ELFN2: variants seen among roughly 807,000 people sequenced by gnomAD.
ELFN2 encodes the protein protein phosphatase 1 regulatory subunit 29.
In ELFN2, 17 loss-of-function variants were observed where a neutral mutation model predicts 45.5. That is an observed-to-expected ratio of 0.37 (90% CI 0.26 to 0.56). The LOEUF (loss-of-function observed/expected upper bound fraction) is 0.56, where lower values mean the gene tolerates loss of function less well. Ranked by LOEUF, ELFN2 falls within the 20% of genes least tolerant of loss-of-function variation. The probability of loss-of-function intolerance (pLI) is 0.77; values close to 1 mark genes in which losing one functional copy is unlikely to be tolerated. For synonymous variants in ELFN2, 550 were observed against 551.5 expected, an observed-to-expected ratio of 1.00 and a Z score of 0.04; for missense variants, 922 against 1,183.2, an observed-to-expected ratio of 0.78 and a Z score of 3.24.
rs111256677 is a variant in ELFN2, at chr22:37,407,434, C to T, written c.-463+10335G>A. Among the ~76,000 whole-genome samples the T allele has an allele frequency of 6.4e-3, 979 of 152,244 alleles. 7 individuals are homozygous for T. Among genetic ancestry groups the T allele is most frequent in the Middle Eastern group, 0.031 (9 of 294 alleles). On this transcript the variant is annotated intron_variant, in intron 2 of 2. Transcript: ENST00000402918. The stretch of plus-strand genomic sequence containing the variant: ...AAGACAGACAAGGTCCCCAGCCTCA[C>T]AGTGCTTTCACTGTGATGGGGGAGC...
intron 2 of ELFN2, among the ~76,000 whole-genome samples, chr22:37,386,992 G>C (rs1234930185): frequency 6.6e-6 from 1 of 152,250 alleles, no homozygotes; most frequent in East Asian, 1.9e-4. Flanking sequence ...CAGGGTCTGG[G>C]CAGGGTCACA....
At chr22:37,360,218 G>A (rs1423023923) in intron 1 of ELFN2, among the ~76,000 whole-genome samples, 1 of 152,146 alleles carries the variant, frequency 6.6e-6, no homozygotes, top group Admixed American at 6.5e-5. Flanking sequence ...GTCTGGCCTG[G>A]GGTGTCTCAT....
chr22:37,398,967 A>G (rs1932288958), intron 2 of ELFN2, among the ~76,000 whole-genome samples: 1 of 151,872 alleles, frequency 6.6e-6, no homozygotes, highest in Admixed American at 6.6e-5. Context: ...GGAACACAGC[A>G]TCCACCTGGC....
At chr22:37,414,331 G>T (rs1932727044) in intron 2 of ELFN2, among the ~76,000 whole-genome samples, 1 of 152,170 alleles carries the variant, frequency 6.6e-6, no homozygotes, top group Admixed American at 6.5e-5. Context: ...TCCCTGAGGA[G>T]GTGACAGTTA....
chr22:37,400,802 G>T (rs1932342253), intron 2 of ELFN2, among the ~76,000 whole-genome samples: 1 of 152,270 alleles, frequency 6.6e-6, no homozygotes, highest in Non-Finnish European at 1.5e-5. Flanking sequence ...CCTTCTTGTA[G>T]AGGGATCTAA....
chr22:37,343,215 T>G lies in ELFN2; in HGVS notation n.149-512A>C, dbSNP rs11913716. ...CCTGAACCTCAGCCCAGCTCCTTCC[T>G]CTGGCCAAGGAATCCCATAAGTGAG... On this transcript the variant is annotated intron_variant and non_coding_transcript_variant, in intron 1 of 2. Coordinates refer to ENST00000452946, the Ensembl canonical transcript of ELFN2. Among the ~76,000 whole-genome samples the G allele has an allele frequency of 1.8e-3, 272 of 152,210 alleles. 2 individuals carry two copies. The highest frequency in any genetic ancestry group is 6.2e-3 in the African/African-American group (257 of 41,522).
chr22:37,363,670 C>T (rs984896843), downstream of ELFN2, among the ~76,000 whole-genome samples: 1 of 152,106 alleles, frequency 6.6e-6, no homozygotes, highest in African/African-American at 2.4e-5. Flanking sequence ...AGAGGCAGCC[C>T]GGGCCTCAAC....
At chr22:37,380,631 C>T (rs1050072573) in intron 2 of ELFN2, among the ~76,000 whole-genome samples, 2 of 152,192 alleles carry the variant, frequency 1.3e-5, no homozygotes, top group African/African-American at 4.8e-5. Context: ...CTGAGCCAGG[C>T]TGGCCAAGGC....
downstream of ELFN2, chr22:37,367,933 AG>A (rs1931242677): frequency 6.6e-6 from 1 of 152,614 alleles, no homozygotes; most frequent in Non-Finnish European, 1.5e-5. Flanking sequence ...GCAATGTGGG[AG>A]GAATACAGCA....
chr22:37,421,506 A>G (rs549076431), intron 1 of ELFN2, among the ~76,000 whole-genome samples: 1 of 152,330 alleles, frequency 6.6e-6, no homozygotes, highest in East Asian at 1.9e-4. Flanking sequence ...TCACCTGTCA[A>G]GCAAGCCCTA....
intron 2 of ELFN2, among the ~76,000 whole-genome samples, chr22:37,413,396 G>A (rs916320): frequency 0.26 from 37,918 of 143,566 alleles, 5,793 homozygotes; most frequent in Non-Finnish European, 0.34. Flanking sequence ...GTGAGATCCC[G>A]TCTCTACAAA....
rs1056652316 is a variant in ELFN2 at position 37,351,292 on chromosome 22, A to G, written n.149-8589T>C. Among the ~76,000 whole-genome samples, 7 of 147,604 alleles carry G rather than the reference A, an allele frequency of 4.7e-5. No individual in the cohort carries two copies. The South Asian group carries it at 1.5e-3, about 32-fold the overall frequency. ...TCCTCTCCTCTCCTGCCCCCACCCC[A>G]GGAGCTTCCTCTCTCCCTGTCAATT... On this transcript the variant is annotated intron_variant and non_coding_transcript_variant, in intron 1 of 2. Transcript: ENST00000452946.
At chr22:37,408,656 C>A (rs1241886371) in intron 2 of ELFN2, among the ~76,000 whole-genome samples, 9 of 152,240 alleles carry the variant, frequency 5.9e-5, no homozygotes, top group Non-Finnish European at 1.3e-4. Context: ...TGCCCAATAA[C>A]TGGCCTTCCA....
At chr22:37,356,252 C>A (rs1279320013) in intron 1 of ELFN2, among the ~76,000 whole-genome samples, 4 of 152,260 alleles carry the variant, frequency 2.6e-5, no homozygotes, top group African/African-American at 7.2e-5. Context: ...CTGGGCTCTA[C>A]CAGCTGAGGG....
In ELFN2 at chr22:37,374,922, T is replaced by C. The variant is rs1931529052; in HGVS notation, c.613A>G (p.Asn205Asp). ...AGGCGGTCGTAGTTCTTGGTGACGTTGTTGAAGACCACCAGCCAGGCCAGG... is the reference window on the plus strand; with the variant it reads ...AGGCGGTCGTAGTTCTTGGTGACGTCGTTGAAGACCACCAGCCAGGCCAGG... Reference protein sequence around the residue: ...GFLAWLVVFNNVTKNYDRLQC... With the variant: ...GFLAWLVVFNDVTKNYDRLQC... The change falls in exon 3 of 3, where the codon AAC becomes GAC. Residue 205 changes from asparagine (N) to aspartate (D), a missense_variant. By Grantham distance (23) the Asn-to-Asp change is conservative. This residue lies in a region of ELFN2 where 358 missense variants were observed against 540.4 expected (regional missense o/e 0.66). Transcript: ENST00000402918. 6.2e-7 allele frequency: 1 copy of C among 1,612,492 alleles called. No homozygotes were observed. Among genetic ancestry groups the C allele is most frequent in the Non-Finnish European group, 8.5e-7 (1 of 1,179,922 alleles).
chr22:37,395,517 T>C (rs759904627), intron 2 of ELFN2, among the ~76,000 whole-genome samples: 22 of 152,178 alleles, frequency 1.4e-4, no homozygotes, highest in African/African-American at 5.3e-4. Flanking sequence ...TGTTGTCCCC[T>C]CTAGCTCTGC....
At chr22:37,390,597 T>A (rs1932064825) in intron 2 of ELFN2, among the ~76,000 whole-genome samples, 1 of 21,894 alleles carries the variant, frequency 4.6e-5, no homozygotes, top group Non-Finnish European at 8.2e-5. Flanking sequence ...AAAGGCATCC[T>A]CAGATCCGCA....
In ELFN2 at chr22:37,346,984, A is replaced by AT. The variant is rs5845334; in HGVS notation, n.149-4282dup. ...TTGGAATAACCCCATCTTCATTATT[A>AT]TTTTTTTTTTTGAGATGGAGTTTTA... On this transcript the variant is annotated intron_variant and non_coding_transcript_variant, in intron 1 of 2. Coordinates refer to ENST00000452946, the Ensembl canonical transcript of ELFN2. Among the ~76,000 whole-genome samples the AT allele has an allele frequency of 4.3e-3, 646 of 149,476 alleles. 2 individuals carry two copies. The highest frequency in any genetic ancestry group is 0.014 in the African/African-American group (570 of 40,746).
chr22:37,420,216 T>C (rs965347820), intron 1 of ELFN2: 23 of 151,866 alleles, frequency 1.5e-4, no homozygotes, highest in African/African-American at 5.3e-4. Context: ...CGCGCTCCCG[T>C]CCCCACCACG....
Sources: allele counts gnomAD v4.1 joint callset (sites outside exome capture counted in the v4.1 genomes callset), GRCh38; gene constraint gnomAD v4.1.1; regional missense constraint gnomAD v4.1.1; transcripts MANE v1.5; gene names NCBI Gene and HGNC (gene_info 2026-07-23, HGNC 2026-07-21).